CHST11: variants seen among roughly 807,000 people sequenced by gnomAD.
The protein encoded by CHST11 is C4S-1.
A neutral mutation model predicts 30.4 loss-of-function variants in CHST11; 9 were observed. That is an observed-to-expected ratio of 0.30 (90% CI 0.18 to 0.52). The LOEUF (loss-of-function observed/expected upper bound fraction) is 0.52. CHST11 is among the 20% of genes least tolerant of loss of function. CHST11 has a pLI of 0.97. For missense variants in CHST11, 348 were observed against 460.6 expected, an observed-to-expected ratio of 0.76 and a Z score of 2.24; for synonymous variants, 152 against 187.8, an observed-to-expected ratio of 0.81 and a Z score of 1.56.
At chr12:104,632,459 T>C (rs1197912215) in intron 2 of CHST11, among the ~76,000 whole-genome samples, 1 of 152,168 alleles carries the variant, frequency 6.6e-6, no homozygotes, top group African/African-American at 2.4e-5. Flanking sequence ...AAGTGCTAGA[T>C]ACAAGAGGAG....
Position 104,457,097 on chromosome 12 carries a change from G to T in CHST11, c.-315G>T, listed in dbSNP as rs1318286221. On this transcript the variant is annotated 5_prime_UTR_variant, in exon 1 of 3. Coordinates refer to ENST00000303694, the MANE Select transcript of CHST11 (RefSeq NM_018413.6). ...CACCATCACCGCTCGCACCCCAGCC[G>T]CCCGGCCCGCGACCAGGCAGCGGCG... 1 of 219,056 alleles carries T rather than the reference G, an allele frequency of 4.6e-6. No individual in the cohort carries two copies. The highest frequency in any genetic ancestry group is 8.9e-6 in the Non-Finnish European group (1 of 112,004). The allele number at this position is 219,056 out of a possible 1,614,324, so 13.6% of individuals were successfully genotyped here. A position where few individuals can be genotyped will look rare whatever the true frequency, so the allele number is the denominator to read the frequency against.
At position 104,722,300 on chromosome 12, in the gene CHST11, G is replaced by T. The variant is rs142208321; in HGVS notation, c.205-34649G>T. On this transcript the variant is annotated intron_variant, in intron 2 of 2. Coordinates refer to ENST00000303694, the MANE Select transcript of CHST11 (RefSeq NM_018413.6). ...TTACAGATGCGAGCCACTGTGCCTGGCCAATTTGGTGTGTTTTTAACTTCA... is the reference window on the plus strand; with the variant it reads ...TTACAGATGCGAGCCACTGTGCCTGTCCAATTTGGTGTGTTTTTAACTTCA... 8.7e-4 allele frequency among the ~76,000 whole-genome samples: 132 copies of T among 152,098 alleles called. 1 individual carries two copies. The highest frequency in any genetic ancestry group is 3.0e-3 in the African/African-American group (124 of 41,480).
At chr12:104,754,860 G>A (rs898767149) in intron 2 of CHST11, among the ~76,000 whole-genome samples, 1 of 152,168 alleles carries the variant, frequency 6.6e-6, no homozygotes, top group African/African-American at 2.4e-5. Context: ...TTTTAGTGGC[G>A]ATGGCATGTT....
chr12:104,716,413 G>C (rs2040131693), intron 2 of CHST11, among the ~76,000 whole-genome samples: 1 of 152,342 alleles, frequency 6.6e-6, no homozygotes, highest in East Asian at 1.9e-4. Context: ...CTGTGAAATG[G>C]GGATGATAAT....
chr12:104,743,103 A>G (rs189605975), intron 2 of CHST11, among the ~76,000 whole-genome samples: 2 of 152,376 alleles, frequency 1.3e-5, no homozygotes, highest in Admixed American at 1.3e-4. Context: ...CAAAGCTTTC[A>G]GTGTCCACCG....
intron 1 of CHST11, among the ~76,000 whole-genome samples, chr12:104,501,674 A>G (rs2037855283): frequency 6.6e-6 from 1 of 152,170 alleles, no homozygotes; most frequent in Non-Finnish European, 1.5e-5. Context: ...CTGGTCTGGT[A>G]TTTATAGTCA....
At chr12:104,531,484 A>G (rs2038184073) in intron 1 of CHST11, among the ~76,000 whole-genome samples, 1 of 82,748 alleles carries the variant, frequency 1.2e-5, no homozygotes, top group African/African-American at 3.7e-5. Context: ...AAAAAAAGAG[A>G]GAGAGAGAGA....
rs2040500884 is a variant in CHST11, at chr12:104,758,824, C to G, written c.*1021C>G. Reference sequence around the variant, plus strand: ...GCCACTTTATATTCGTGAGTGATCCCAAGCTCACTGACCAACAGAAAAGAT... The same window carrying G: ...GCCACTTTATATTCGTGAGTGATCCGAAGCTCACTGACCAACAGAAAAGAT... On this transcript the variant is annotated 3_prime_UTR_variant, in exon 3 of 3. Transcript: ENST00000303694. The G allele has an allele frequency of 6.6e-6, 1 of 152,160 alleles. No individual in the cohort carries two copies. Among genetic ancestry groups the G allele is most frequent in the African/African-American group, 2.4e-5 (1 of 41,422 alleles). The allele number at this position is 152,160 out of a possible 1,614,324, so 9.4% of individuals were successfully genotyped here.
At chr12:104,742,615 C>T (rs1291471107) in intron 2 of CHST11, among the ~76,000 whole-genome samples, 4 of 152,224 alleles carry the variant, frequency 2.6e-5, no homozygotes, top group Non-Finnish European at 5.9e-5. Context: ...CATTCCTATT[C>T]CTGCCCCCCT....
chr12:104,758,261 ATTGT>A lies in CHST11; in HGVS notation c.*459_*462del. On this transcript the variant is annotated 3_prime_UTR_variant, in exon 3 of 3. Transcript: ENST00000303694. ...CTCATGGAGTCATGTGATAACAGCC[ATTGT>A]CATGTGTATGGATGCCACCATTCTT... 6.4e-6 allele frequency: 1 copy of A among 156,538 alleles called. No individual in the cohort carries two copies. Among genetic ancestry groups the A allele is most frequent in the South Asian group, 1.9e-4 (1 of 5,212 alleles). 9.7% of individuals were successfully genotyped at this position (156,538 alleles called of 1,614,324 possible).
At chr12:104,655,658 G>C (rs114321981) in intron 2 of CHST11, among the ~76,000 whole-genome samples, 1,952 of 152,286 alleles carry the variant, frequency 0.013, 42 homozygotes, top group African/African-American at 0.044. Context: ...AGTGTTACGA[G>C]CAATGGGTAA....
At chr12:104,596,781 G>A (rs2038910537) in intron 1 of CHST11, among the ~76,000 whole-genome samples, 1 of 152,168 alleles carries the variant, frequency 6.6e-6, no homozygotes, top group Non-Finnish European at 1.5e-5. Context: ...TCGCTACGTG[G>A]TAGTTTATTT....
intron 2 of CHST11, among the ~76,000 whole-genome samples, chr12:104,702,961 ACGGCAGGCGTGTGGTCACCACTGACCTC>A (rs1000913124): frequency 2.6e-5 from 4 of 152,000 alleles, no homozygotes; most frequent in African/African-American, 4.8e-5. Flanking sequence ...CCTGGAGGGG[ACGGCAGGCGTGTGGTCACCACTGACCTC>A]CTGGCCCCAC....
At chr12:104,624,750 G>T (rs2039195542) in intron 2 of CHST11, among the ~76,000 whole-genome samples, 1 of 152,150 alleles carries the variant, frequency 6.6e-6, no homozygotes, top group Non-Finnish European at 1.5e-5. Context: ...ACATACCACG[G>T]ACTGGGTGGC....
chr12:104,527,845 G>A lies in CHST11; in HGVS notation c.118+70316G>A, dbSNP rs549246133. Among the ~76,000 whole-genome samples, 127 of 152,310 alleles carry A rather than the reference G, an allele frequency of 8.3e-4. 1 individual carries two copies. Among genetic ancestry groups the A allele is most frequent in the African/African-American group, 2.8e-3 (115 of 41,574 alleles). ...AGCTCAGGAAACTTACAATCATGGCGGAAGGTGAAAGGGAAGCAAGGCACG... is the reference window on the plus strand; with the variant it reads ...AGCTCAGGAAACTTACAATCATGGCAGAAGGTGAAAGGGAAGCAAGGCACG... On this transcript the variant is annotated intron_variant, in intron 1 of 2. Coordinates refer to ENST00000303694, the MANE Select transcript of CHST11 (RefSeq NM_018413.6).
At chr12:104,482,104 G>A (rs976625939) in intron 1 of CHST11, among the ~76,000 whole-genome samples, 6 of 151,960 alleles carry the variant, frequency 3.9e-5, no homozygotes, top group Non-Finnish European at 7.4e-5. Context: ...ACCCACCTCA[G>A]CCTCCCCAGG....
intron 1 of CHST11, among the ~76,000 whole-genome samples, chr12:104,477,083 G>A (rs1322285059): frequency 6.6e-6 from 1 of 152,106 alleles, no homozygotes; most frequent in East Asian, 1.9e-4. Flanking sequence ...TGGACAAGTA[G>A]CTTGCTGTAA....
intron 2 of CHST11, among the ~76,000 whole-genome samples, chr12:104,699,958 C>A (rs139325401): frequency 1.3e-3 from 204 of 152,358 alleles, no homozygotes; most frequent in Middle Eastern, 0.01. Flanking sequence ...AAACTAGGAA[C>A]AGTCCTGCCC....
intron 1 of CHST11, among the ~76,000 whole-genome samples, chr12:104,478,838 C>T (rs750811470): frequency 3.5e-4 from 53 of 152,100 alleles, no homozygotes; most frequent in Admixed American, 1.3e-4. Context: ...TGACTGGAAC[C>T]ATCTAGTCTC....
Sources: allele counts gnomAD v4.1 joint callset (sites outside exome capture counted in the v4.1 genomes callset), GRCh38; gene constraint gnomAD v4.1.1; transcripts MANE v1.5; gene names NCBI Gene and HGNC (gene_info 2026-07-23, HGNC 2026-07-21).